The following CDK6 variants were observed in gnomAD, a reference collection of about 807,000 sequenced individuals.
The protein encoded by CDK6 is cyclin-dependent kinase 6.
Under a neutral mutation model 37.1 loss-of-function variants are expected in CDK6, and 6 were observed. The ratio of observed to expected loss-of-function variants is 0.16; its 90% CI spans 0.09 to 0.32. The LOEUF is 0.32. Ranked by LOEUF, CDK6 falls within the 10% of genes least tolerant of loss-of-function variation. CDK6 has a pLI of 1.00. For missense variants in CDK6, 224 were observed against 418.9 expected (o/e 0.53, Z 4.06); for synonymous variants, 160 against 161.3 (o/e 0.99, Z 0.06).
chr7:92,795,345 C>G (rs561132937), intron 2 of CDK6, among the ~76,000 whole-genome samples: 2 of 152,142 alleles, frequency 1.3e-5, no homozygotes, highest in African/African-American at 4.8e-5. Flanking sequence ...AATCTATTAA[C>G]TTGTGATCCA....
chr7:92,650,128 C>G (rs139218123), intron 5 of CDK6, among the ~76,000 whole-genome samples: 2 of 152,314 alleles, frequency 1.3e-5, no homozygotes, highest in Non-Finnish European at 2.9e-5. Flanking sequence ...TACACCCACC[C>G]TCTTTTAATT....
intron 2 of CDK6, among the ~76,000 whole-genome samples, chr7:92,819,564 C>A (rs774278537): frequency 1.1e-4 from 17 of 151,712 alleles, no homozygotes; most frequent in African/African-American, 1.9e-4. Context: ...TTTAAAAAAG[C>A]CAAAGGATAT....
chr7:92,724,704 C>T lies in CDK6; in HGVS notation c.537+922G>A, dbSNP rs1244928824. ...CCCTGATGTGAGAACCACTTTGAGG[C>T]TAAAGATGGACAATACGGATTATTT... On this transcript the variant is annotated intron_variant, in intron 4 of 7. Transcript: ENST00000424848. Among the ~76,000 whole-genome samples the T allele has an allele frequency of 2.0e-5, 3 of 152,152 alleles. No homozygotes were observed. In the East Asian group the frequency reaches 5.8e-4, roughly 29 times the overall value.
intron 7 of CDK6, among the ~76,000 whole-genome samples, chr7:92,615,517 C>A (rs538108755): frequency 3.9e-5 from 6 of 152,122 alleles, no homozygotes; most frequent in Non-Finnish European, 7.4e-5. Flanking sequence ...TGTTTCCTGC[C>A]CAGGATTTCT....
At chr7:92,689,983 T>C (rs1797565837) in intron 4 of CDK6, among the ~76,000 whole-genome samples, 1 of 152,156 alleles carries the variant, frequency 6.6e-6, no homozygotes, top group Non-Finnish European at 1.5e-5. Context: ...TTTTTTTCCT[T>C]GTAAATTTGT....
At chr7:92,689,361 T>C (rs1797547298) in intron 4 of CDK6, among the ~76,000 whole-genome samples, 1 of 152,170 alleles carries the variant, frequency 6.6e-6, no homozygotes, top group Admixed American at 6.5e-5. Context: ...GGTTTTCTGT[T>C]CCTGTGTTAG....
intron 2 of CDK6, among the ~76,000 whole-genome samples, chr7:92,812,243 A>G (rs1800903781): frequency 6.6e-6 from 1 of 152,218 alleles, no homozygotes; most frequent in African/African-American, 2.4e-5. Flanking sequence ...TGAAGCTTAG[A>G]GGTAGGAAGC....
chr7:92,762,774 T>C (rs1455690842), intron 3 of CDK6, among the ~76,000 whole-genome samples: 1 of 152,060 alleles, frequency 6.6e-6, no homozygotes, highest in Non-Finnish European at 1.5e-5. Flanking sequence ...GGTTTCACCA[T>C]ACTGGCCAAG....
intron 2 of CDK6, among the ~76,000 whole-genome samples, chr7:92,788,742 A>C (rs1197119019): frequency 6.6e-6 from 1 of 152,222 alleles, no homozygotes; most frequent in Admixed American, 6.5e-5. Flanking sequence ...CTCATCACAC[A>C]CAAGGGATCT....
At chr7:92,742,966 A>C (rs1424963792) in intron 3 of CDK6, among the ~76,000 whole-genome samples, 1 of 151,954 alleles carries the variant, frequency 6.6e-6, no homozygotes, top group Non-Finnish European at 1.5e-5. Context: ...GGCAGTAGGG[A>C]AACATTTTGT....
rs188835599 is a variant in CDK6 at position 92,675,408 on chromosome 7, G to A, written c.538-3873C>T. Among the ~76,000 whole-genome samples, 31 of 152,126 alleles carry A rather than the reference G, an allele frequency of 2.0e-4. 1 individual carries two copies. In the East Asian group the frequency reaches 4.8e-3, roughly 24 times the overall value. ...CATTTGCCTTTGTTTTATTAATGAC[G>A]TATTAGTTACATTAACAGATTTCCC... On this transcript the variant is annotated intron_variant, in intron 4 of 7. Transcript: ENST00000424848.
intron 4 of CDK6, among the ~76,000 whole-genome samples, chr7:92,676,903 G>A (rs1383632974): frequency 6.6e-6 from 1 of 150,404 alleles, no homozygotes; most frequent in Non-Finnish European, 1.5e-5. Flanking sequence ...AGCTTGCAGT[G>A]AGCTGAGATC....
At chr7:92,633,142 C>T (rs867756759) in intron 5 of CDK6, among the ~76,000 whole-genome samples, 14 of 152,004 alleles carry the variant, frequency 9.2e-5, no homozygotes, top group Non-Finnish European at 1.9e-4. Flanking sequence ...CACATTTTCA[C>T]TTCTTAGTTT....
intron 3 of CDK6, among the ~76,000 whole-genome samples, chr7:92,769,457 T>C (rs1799658864): frequency 6.6e-6 from 1 of 152,230 alleles, no homozygotes; most frequent in Non-Finnish European, 1.5e-5. Context: ...GACCTTTCAG[T>C]GCCTCAAACT....
At chr7:92,634,739 T>G (rs1796130005) in intron 5 of CDK6, among the ~76,000 whole-genome samples, 1 of 152,204 alleles carries the variant, frequency 6.6e-6, no homozygotes, top group Non-Finnish European at 1.5e-5. Context: ...TTTCTTGATA[T>G]GGGTTCTACA....
At chr7:92,811,042 A>AC (rs1001098252) in intron 2 of CDK6, among the ~76,000 whole-genome samples, 4 of 151,274 alleles carry the variant, frequency 2.6e-5, no homozygotes, top group African/African-American at 4.9e-5. Flanking sequence ...CAGAATGAGA[A>AC]CCCCCCCAGC....
At chr7:92,694,833 A>C (rs1220273284) in intron 4 of CDK6, among the ~76,000 whole-genome samples, 1 of 152,204 alleles carries the variant, frequency 6.6e-6, no homozygotes, top group Non-Finnish European at 1.5e-5. Context: ...TTATATATAT[A>C]TAAAAAGACC....
At chr7:92,665,267 TCATC>T (rs3831549) in intron 5 of CDK6, among the ~76,000 whole-genome samples, 9,472 of 150,884 alleles carry the variant, frequency 0.063, 323 homozygotes, top group African/African-American at 0.093. Flanking sequence ...AACCATCCAA[TCATC>T]CATCCATCCA....
At chr7:92,686,488 A>T (rs902149471) in intron 4 of CDK6, among the ~76,000 whole-genome samples, 1 of 152,146 alleles carries the variant, frequency 6.6e-6, no homozygotes. Flanking sequence ...CATTATATAT[A>T]TAATGAAATA....
Sources: gnomAD v4.1 joint callset for allele counts (sites outside exome capture counted in the v4.1 genomes callset) on GRCh38, gnomAD v4.1.1 for gene constraint, MANE v1.5 for transcripts, NCBI Gene and HGNC (gene_info 2026-07-23, HGNC 2026-07-21) for gene names.